Variants in CACNA2D4 observed in about 807,000 individuals in gnomAD.
CACNA2D4 encodes calcium voltage-gated channel auxiliary subunit alpha2delta 4, also known as voltage-dependent calcium channel subunit alpha-2/delta-4.
In CACNA2D4, 157 loss-of-function variants were observed where a neutral mutation model predicts 163.8. That is an observed-to-expected ratio of 0.96 (90% CI 0.84 to 1.09). The LOEUF is 1.09. Among genes scored for constraint, CACNA2D4 ranks in the 50% least tolerant of loss-of-function variants. CACNA2D4 has a pLI of 0.00. For missense variants in CACNA2D4, 1,410 were observed against 1,479.9 expected (o/e 0.95, Z 0.78); for synonymous variants, 598 against 586.9 (o/e 1.02, Z -0.27).
Position 1,801,630 on chromosome 12 carries a change from C to G in CACNA2D4, c.2736G>C (p.Leu912=), listed in dbSNP as rs372098009. The change falls in exon 30 of 38, where the codon CTG becomes CTC. Residue 912 remains leucine, a synonymous_variant. Coordinates refer to ENST00000382722, the MANE Select transcript of CACNA2D4 (RefSeq NM_172364.5). ...TCAGGACAGCACCATCCACCTCCCCCAGAAATCTTCCCGTCTGTGAGAGAG... is the reference window on the plus strand; with the variant it reads ...TCAGGACAGCACCATCCACCTCCCCGAGAAATCTTCCCGTCTGTGAGAGAG... ...SKRSRETGRF[L]GEVDGAVLTQ... 3.8e-5 allele frequency: 61 copies of G among 1,586,034 alleles called. No individual in the cohort carries two copies. The African/African-American group carries it at 7.7e-4, about 20-fold the overall frequency.
At chr12:1,892,552 A>G (rs1412048215) in intron 6 of CACNA2D4, among the ~76,000 whole-genome samples, 3 of 152,230 alleles carry the variant, frequency 2.0e-5, no homozygotes, top group Admixed American at 2.0e-4. Flanking sequence ...AACCAGAATG[A>G]TAAACAATAA....
chr12:1,898,916 G>T (rs1039486437), intron 6 of CACNA2D4, among the ~76,000 whole-genome samples: 2 of 152,166 alleles, frequency 1.3e-5, no homozygotes, highest in Admixed American at 1.3e-4. Flanking sequence ...GAGGGTGCCA[G>T]AGGCTGGGGG....
rs1021612157 is a variant in CACNA2D4 at position 1,820,047 on chromosome 12, G to A, written c.2552-8324C>T. ...CTGTGTACCCTTCTTTCGTATGACC[G>A]AGAGAAGGGTTCGGTTTTTCCTTCT... On this transcript the variant is annotated intron_variant, in intron 26 of 37. Coordinates refer to ENST00000382722, the MANE Select transcript of CACNA2D4 (RefSeq NM_172364.5). This position sits in a 1 kb window ranked among gnomAD's most constrained non-coding sequence, Gnocchi z 6.0. Among the ~76,000 whole-genome samples the A allele has an allele frequency of 3.9e-5, 6 of 152,186 alleles. No homozygotes were observed. Among genetic ancestry groups the A allele is most frequent in the African/African-American group, 1.2e-4 (5 of 41,446 alleles).
Position 1,883,096 on chromosome 12 carries a change from G to A in CACNA2D4, c.1352-96C>T. On this transcript the variant is annotated intron_variant, in intron 12 of 37. Coordinates refer to ENST00000382722, the MANE Select transcript of CACNA2D4 (RefSeq NM_172364.5). This position sits in a 1 kb window ranked among gnomAD's most constrained non-coding sequence, Gnocchi z 4.5. Reference sequence around the variant, plus strand: ...CCTCCCCAGCTGCAGATGGCTCATAGCCGAATACTCTCTGGAAACTGGACC... The same window carrying A: ...CCTCCCCAGCTGCAGATGGCTCATAACCGAATACTCTCTGGAAACTGGACC... The A allele has an allele frequency of 7.5e-7, 1 of 1,338,258 alleles. No homozygotes were observed. The highest frequency in any genetic ancestry group is 1.0e-6 in the Non-Finnish European group (1 of 977,284). The allele number at this position is 1,338,258 out of a possible 1,614,324, so 82.9% of individuals were successfully genotyped here. A position where few individuals can be genotyped will look rare whatever the true frequency, so the allele number is the denominator to read the frequency against.
chr12:1,845,565 C>T (rs914830175), intron 24 of CACNA2D4, among the ~76,000 whole-genome samples: 2 of 152,060 alleles, frequency 1.3e-5, no homozygotes, highest in African/African-American at 2.4e-5. Context: ...GGGTGGGAGG[C>T]GAGGAGAGTA....
chr12:1,826,000 G>A (rs1395867907), intron 26 of CACNA2D4, among the ~76,000 whole-genome samples: 1 of 152,214 alleles, frequency 6.6e-6, no homozygotes, highest in African/African-American at 2.4e-5. Flanking sequence ...CTGTTTGAAG[G>A]CAGGCCTGCG....
chr12:1,883,134 G>T lies in CACNA2D4; in HGVS notation c.1352-134C>A. The T allele has an allele frequency of 9.7e-7, 1 of 1,034,116 alleles. No individual in the cohort carries two copies. Among genetic ancestry groups the T allele is most frequent in the Non-Finnish European group, 1.4e-6 (1 of 720,152 alleles). 64.1% of individuals were successfully genotyped at this position (1,034,116 alleles called of 1,614,324 possible). On this transcript the variant is annotated intron_variant, in intron 12 of 37. Coordinates refer to ENST00000382722, the MANE Select transcript of CACNA2D4 (RefSeq NM_172364.5). This position sits in a 1 kb window ranked among gnomAD's most constrained non-coding sequence, Gnocchi z 4.5. The stretch of plus-strand genomic sequence containing the variant: ...TGGAAACTGGACCGGGGCACAGGGA[G>T]CTGCTTCCCCACAGTTGTGTCCTTT...
chr12:1,799,942 T>C lies in CACNA2D4; in HGVS notation c.2974+58A>G. On this transcript the variant is annotated intron_variant, in intron 33 of 37. Coordinates refer to ENST00000382722, the MANE Select transcript of CACNA2D4 (RefSeq NM_172364.5). This position sits in a 1 kb window ranked among gnomAD's most constrained non-coding sequence, Gnocchi z 4.7. ...CACCCCACAGGGAATGGTCTCACGT[T>C]AGTGGACCAAAATGCCACTGCTCTT... 1 of 1,538,102 alleles carries C rather than the reference T, an allele frequency of 6.5e-7. No individual in the cohort carries two copies. The highest frequency in any genetic ancestry group is 8.9e-7 in the Non-Finnish European group (1 of 1,128,738).
At chr12:1,913,237 C>G in intron 2 of CACNA2D4, 98 bp from the exon 3 acceptor site, 2 of 828,974 alleles carry the variant, frequency 2.4e-6, no homozygotes, top group Non-Finnish European at 2.1e-6. Context: ...CAGATGCATT[C>G]CGGCACATGG....
intron 26 of CACNA2D4, among the ~76,000 whole-genome samples, chr12:1,813,246 C>T (rs1863767825): frequency 6.6e-6 from 1 of 152,204 alleles, no homozygotes; most frequent in Non-Finnish European, 1.5e-5. Context: ...TCAGAATCGC[C>T]TGGAAGGTTT....
In CACNA2D4 at chr12:1,843,462, G is replaced by A. The variant is rs1266998056; in HGVS notation, c.2470+940C>T. Among the ~76,000 whole-genome samples, 1 of 152,186 alleles carries A rather than the reference G, an allele frequency of 6.6e-6. No homozygotes were observed. Among genetic ancestry groups the A allele is most frequent in the Admixed American group, 6.5e-5 (1 of 15,272 alleles). On this transcript the variant is annotated intron_variant, in intron 25 of 37. Coordinates refer to ENST00000382722, the MANE Select transcript of CACNA2D4 (RefSeq NM_172364.5). This position sits in a 1 kb window ranked among gnomAD's most constrained non-coding sequence, Gnocchi z 4.6. ...CTCCACACTCCTGCATCCCCTCCTG[G>A]GGCTCACCCCACCTGCCTGTGCACA...
intron 18 of CACNA2D4, among the ~76,000 whole-genome samples, chr12:1,863,480 G>A (rs1014857524): frequency 1.3e-5 from 2 of 152,104 alleles, no homozygotes; most frequent in African/African-American, 2.4e-5. Flanking sequence ...AATTTTGATC[G>A]GATTGCGTTG....
chr12:1,885,646 C>G (rs372817637), intron 9 of CACNA2D4, among the ~76,000 whole-genome samples: 1 of 152,180 alleles, frequency 6.6e-6, no homozygotes, highest in African/African-American at 2.4e-5. Context: ...CTCATGAAAA[C>G]TGACATAATG....
At chr12:1,901,737 T>C (rs2154451216) in intron 6 of CACNA2D4, among the ~76,000 whole-genome samples, 1 of 152,266 alleles carries the variant, frequency 6.6e-6, no homozygotes, top group African/African-American at 2.4e-5. Flanking sequence ...ACCTGACGGC[T>C]TCAGAATTGC....
At chr12:1,822,535 C>G (rs1236118810) in intron 26 of CACNA2D4, among the ~76,000 whole-genome samples, 4 of 152,198 alleles carry the variant, frequency 2.6e-5, no homozygotes, top group African/African-American at 7.2e-5. Flanking sequence ...ATGTCAGGGA[C>G]CAGCTCCCAT....
In CACNA2D4 at chr12:1,800,426, A is replaced by C. The variant is rs1290705788; in HGVS notation, c.2881T>G (p.Phe961Val). The C allele has an allele frequency of 1.2e-6, 2 of 1,613,764 alleles. No individual in the cohort carries two copies. The highest frequency in any genetic ancestry group is 1.7e-6 in the Non-Finnish European group (2 of 1,179,854). ...AGCAGCCACCTGGTCGCCGTCAAGA[A>C]GGCAGAAATTGGCTGGGAAGGAGAG... ...AQPLVSPISA[F>V]LTATRWLLQE... The change falls in exon 32 of 38, where the codon TTC becomes GTC. Residue 961 changes from phenylalanine (F) to valine (V), a missense_variant. Transcript: ENST00000382722.
chr12:1,810,672 A>T lies in CACNA2D4; in HGVS notation c.2614-85T>A. On this transcript the variant is annotated intron_variant, in intron 27 of 37. Transcript: ENST00000382722. ...TAAGTGGGAATGCTGTGTGTGTGGTACGTCTGCAGTGTGTGTGCATGTGTG... is the reference window on the plus strand; with the variant it reads ...TAAGTGGGAATGCTGTGTGTGTGGTTCGTCTGCAGTGTGTGTGCATGTGTG... The T allele has an allele frequency of 2.2e-6, 3 of 1,350,658 alleles. No individual in the cohort carries two copies. In the South Asian group the frequency reaches 3.8e-5, roughly 17 times the overall value. 83.7% of individuals were successfully genotyped at this position (1,350,658 alleles called of 1,614,324 possible). A position where few individuals can be genotyped will look rare whatever the true frequency, so the allele number is the denominator to read the frequency against.
At chr12:1,819,782 C>G (rs1035707525) in intron 26 of CACNA2D4, among the ~76,000 whole-genome samples, 1 of 152,224 alleles carries the variant, frequency 6.6e-6, no homozygotes, top group African/African-American at 2.4e-5. Context: ...CAGATAAGAG[C>G]AAGGAGCCCT....
Position 1,834,220 on chromosome 12 carries a change from A to G in CACNA2D4, c.2551+6519T>C. ...AGCTGGGGATGGGGAGAGGGAGTGC[A>G]AGTTCTAGATGCCTGGTCAGCCCCT... On this transcript the variant is annotated intron_variant, in intron 26 of 37. Transcript: ENST00000382722. The surrounding 1 kb of genome is among the most constrained non-coding windows in gnomAD (Gnocchi z 7.6). The G allele has an allele frequency of 1.3e-6, 2 of 1,513,372 alleles. No homozygotes were observed. The highest frequency in any genetic ancestry group is 2.7e-5 in the South Asian group (2 of 75,100). 93.7% of individuals were successfully genotyped at this position (1,513,372 alleles called of 1,614,324 possible).
Sources: allele counts gnomAD v4.1 joint callset (sites outside exome capture counted in the v4.1 genomes callset), GRCh38; gene constraint gnomAD v4.1.1; non-coding constraint Gnocchi (gnomAD v3.1); transcripts MANE v1.5; gene names NCBI Gene and HGNC (gene_info 2026-07-23, HGNC 2026-07-21).